LDLRAD3: variants seen among roughly 807,000 people sequenced by gnomAD.
LDLRAD3 encodes the protein low density lipoprotein receptor class A domain containing 3.
LDLRAD3 carries 20 observed loss-of-function variants against 29.4 expected under a neutral mutation model. That is an observed-to-expected ratio of 0.68 (90% CI 0.48 to 0.99). LDLRAD3 has a LOEUF of 0.99. LDLRAD3 is among the 50% of genes least tolerant of loss of function. The pLI, the probability that LDLRAD3 is intolerant of heterozygous loss-of-function variation, is 0.00. For synonymous variants in LDLRAD3, 157 were observed against 192.7 expected, an observed-to-expected ratio of 0.81 and a Z score of 1.53; for missense variants, 420 against 454.3, an observed-to-expected ratio of 0.92 and a Z score of 0.69.
chr11:36,191,589 TATATATATATAC>T (rs1842429670), intron 4 of LDLRAD3, among the ~76,000 whole-genome samples: 2 of 107,498 alleles, frequency 1.9e-5, no homozygotes, highest in African/African-American at 7.6e-5. Flanking sequence ...TATATATATA[TATATATATATAC>T]ACACACACAC....
intron 4 of LDLRAD3, among the ~76,000 whole-genome samples, chr11:36,195,143 AAGCC>A (rs1855013437): frequency 1.3e-5 from 2 of 152,208 alleles, no homozygotes; most frequent in South Asian, 4.1e-4. Flanking sequence ...AGCTTCTAGA[AAGCC>A]CTTGGTAAAT....
intron 1 of LDLRAD3, chr11:36,010,249 C>T (rs1269622892): frequency 1.3e-5 from 2 of 154,398 alleles, no homozygotes; most frequent in African/African-American, 4.8e-5. Flanking sequence ...AAAATACCAT[C>T]TGCTGTTTTC....
chr11:36,023,217 C>A (rs1852120511), intron 1 of LDLRAD3, among the ~76,000 whole-genome samples: 1 of 152,128 alleles, frequency 6.6e-6, no homozygotes, highest in Non-Finnish European at 1.5e-5. Context: ...AGTGATAAGC[C>A]AAATAATCAT....
intron 3 of LDLRAD3, among the ~76,000 whole-genome samples, chr11:36,088,419 G>C (rs980088770): frequency 2.0e-5 from 3 of 152,078 alleles, no homozygotes; most frequent in Non-Finnish European, 2.9e-5. Flanking sequence ...AAGATCTTCT[G>C]CTACAGCTTT....
chr11:36,123,809 G>A (rs1020700283), intron 4 of LDLRAD3, among the ~76,000 whole-genome samples: 8 of 152,316 alleles, frequency 5.3e-5, no homozygotes, highest in Non-Finnish European at 7.3e-5. Flanking sequence ...CCAACCACCC[G>A]GACTCCTAAA....
intron 1 of LDLRAD3, among the ~76,000 whole-genome samples, chr11:36,023,445 G>A (rs1852124118): frequency 6.6e-6 from 1 of 152,170 alleles, no homozygotes; most frequent in Admixed American, 6.5e-5. Flanking sequence ...CTGGGAGCTG[G>A]AGACTTGGAT....
intron 3 of LDLRAD3, among the ~76,000 whole-genome samples, chr11:36,089,108 A>G (rs114742364): frequency 6.6e-6 from 1 of 152,214 alleles, no homozygotes; most frequent in Non-Finnish European, 1.5e-5. Context: ...AATAAATGGT[A>G]CTTCTCATGC....
intron 4 of LDLRAD3, among the ~76,000 whole-genome samples, chr11:36,205,382 A>G (rs1002357576): frequency 2.6e-5 from 4 of 152,164 alleles, no homozygotes; most frequent in African/African-American, 9.7e-5. Context: ...TAGGACAGTC[A>G]CCGGCTTCAC....
intron 1 of LDLRAD3, among the ~76,000 whole-genome samples, chr11:36,029,297 G>A (rs1386012743): frequency 6.6e-6 from 1 of 152,108 alleles, no homozygotes; most frequent in East Asian, 1.9e-4. Context: ...TCTGCCATGT[G>A]TATGTGTTTC....
At chr11:36,024,761 C>CA (rs1250103762) in intron 1 of LDLRAD3, among the ~76,000 whole-genome samples, 2 of 152,236 alleles carry the variant, frequency 1.3e-5, no homozygotes, top group Non-Finnish European at 2.9e-5. Flanking sequence ...TGGCTATCCT[C>CA]AACTGAGCCC....
chr11:36,152,870 C>T (rs1854296089), intron 4 of LDLRAD3, among the ~76,000 whole-genome samples: 2 of 152,258 alleles, frequency 1.3e-5, no homozygotes, highest in South Asian at 4.1e-4. Context: ...TCCTGTGAGT[C>T]CTCTTAGCAA....
At chr11:35,947,746 T>A (rs1245067736) in intron 1 of LDLRAD3, among the ~76,000 whole-genome samples, 1 of 152,202 alleles carries the variant, frequency 6.6e-6, no homozygotes, top group African/African-American at 2.4e-5. Flanking sequence ...AGATTCTAAC[T>A]TAAGCTTCTC....
intron 1 of LDLRAD3, among the ~76,000 whole-genome samples, chr11:36,019,972 G>C (rs994599738): frequency 1.2e-4 from 19 of 152,162 alleles, no homozygotes; most frequent in African/African-American, 4.6e-4. Context: ...TTGATTCCCT[G>C]TGAGCTGGCT....
chr11:36,093,803 G>A (rs1430140607), intron 3 of LDLRAD3, among the ~76,000 whole-genome samples: 2 of 152,222 alleles, frequency 1.3e-5, no homozygotes, highest in East Asian at 1.9e-4. Flanking sequence ...AGCTCTCAGT[G>A]GAGAGGGGAT....
At position 36,012,968 on chromosome 11, in the gene LDLRAD3, A is replaced by G. The variant is rs577852149; in HGVS notation, c.47-23135A>G. Among the ~76,000 whole-genome samples, 105 of 152,352 alleles carry G rather than the reference A, an allele frequency of 6.9e-4. No individual in the cohort carries two copies. The Middle Eastern group carries it at 0.017, about 25-fold the overall frequency. ...TCAATTCTATTTCCATTATACTTCT[A>G]AAGTTACCGTTAATTTTGAAATATA... On this transcript the variant is annotated intron_variant, in intron 1 of 5. Coordinates refer to ENST00000315571, the MANE Select transcript of LDLRAD3 (RefSeq NM_174902.4).
chr11:35,980,270 C>G (rs1262971960), intron 1 of LDLRAD3, among the ~76,000 whole-genome samples: 3 of 152,174 alleles, frequency 2.0e-5, no homozygotes, highest in Non-Finnish European at 2.9e-5. Context: ...AGTCAAACCA[C>G]AGAAAAGAAT....
At chr11:36,184,056 T>G in intron 4 of LDLRAD3, 1 of 278,172 alleles carries the variant, frequency 3.6e-6, no homozygotes, top group Non-Finnish European at 7.1e-6. Context: ...ACCTCCACCT[T>G]CCGGGTTCAA....
intron 4 of LDLRAD3, among the ~76,000 whole-genome samples, chr11:36,202,093 G>A (rs1006324424): frequency 7.0e-6 from 1 of 142,858 alleles, no homozygotes; most frequent in Non-Finnish European, 1.5e-5. Context: ...CGCCTAGGCT[G>A]TAGTGCAATG....
At chr11:36,123,077 C>G (rs1853783357) in intron 4 of LDLRAD3, among the ~76,000 whole-genome samples, 2 of 151,956 alleles carry the variant, frequency 1.3e-5, no homozygotes, top group South Asian at 4.2e-4. Context: ...GTCCCGACTG[C>G]TTGGGAGGTT....
Sources: allele counts gnomAD v4.1 joint callset (sites outside exome capture counted in the v4.1 genomes callset), GRCh38; gene constraint gnomAD v4.1.1; transcripts MANE v1.5; gene names NCBI Gene and HGNC (gene_info 2026-07-23, HGNC 2026-07-21).